Variants in CCDC7 observed in about 807,000 individuals in gnomAD.
CCDC7 encodes coiled-coil domain containing 7.
In CCDC7, 183 loss-of-function variants were observed where a neutral mutation model predicts 196.9. The ratio of observed to expected loss-of-function variants is 0.93; its 90% CI spans 0.82 to 1.05. The LOEUF (loss-of-function observed/expected upper bound fraction) is 1.05. Ranked by LOEUF, CCDC7 falls within the 50% of genes least tolerant of loss-of-function variation. The probability of loss-of-function intolerance (pLI) is 0.00; values close to 1 mark genes in which losing one functional copy is unlikely to be tolerated. For missense variants in CCDC7, 1,540 were observed against 1,482.2 expected, an observed-to-expected ratio of 1.04 and a Z score of -0.64; for synonymous variants, 525 against 484.6, an observed-to-expected ratio of 1.08 and a Z score of -1.10.
intron 9 of CCDC7, among the ~76,000 whole-genome samples, chr10:32,514,925 A>C: frequency 6.6e-6 from 1 of 152,312 alleles, no homozygotes; most frequent in Admixed American, 6.5e-5. Context: ...CCTAGGCCCA[A>C]GGCATCTTCC....
At position 32,711,784 on chromosome 10, in the gene CCDC7, A is replaced by G. The variant is rs151246553; in HGVS notation, c.2569+54A>G. The G allele has an allele frequency of 2.3e-4, 259 of 1,118,208 alleles. No individual in the cohort carries two copies. In the African/African-American group the frequency reaches 3.9e-3, roughly 17 times the overall value. The allele number at this position is 1,118,208 out of a possible 1,614,324, so 69.3% of individuals were successfully genotyped here. A position where few individuals can be genotyped will look rare whatever the true frequency, so the allele number is the denominator to read the frequency against. ...ATTATTTTAAGTAAATCTCAAAAGAACTTTTTTCTTTGGTTCATACTTACG... is the reference window on the plus strand; with the variant it reads ...ATTATTTTAAGTAAATCTCAAAAGAGCTTTTTTCTTTGGTTCATACTTACG... On this transcript the variant is annotated intron_variant, in intron 25 of 41. Transcript: ENST00000639629.
At chr10:32,484,180 G>A (rs2134215163) in intron 8 of CCDC7, among the ~76,000 whole-genome samples, 1 of 152,260 alleles carries the variant, frequency 6.6e-6, no homozygotes, top group South Asian at 2.1e-4. Context: ...ACTGAGCAGT[G>A]GTTTGTAGTT....
Position 32,778,981 on chromosome 10 carries a change from A to C in CCDC7, c.2910A>C (p.Lys970Asn), listed in dbSNP as rs2080590408. ...GACAATCTGTTATTCTTACAGTTAA[A>C]AATGAAGCAGCCTCAGAACTTCCAG... Residue 970 changes from lysine (K) to asparagine (N), a missense_variant, in exon 29 of 42, where the codon AAA becomes AAC. Transcript: ENST00000639629. 61 of 1,548,706 alleles carry C rather than the reference A, an allele frequency of 3.9e-5. No homozygotes were observed. The East Asian group carries it at 1.5e-3, about 38-fold the overall frequency.
chr10:32,709,559 G>A (rs1235217706), intron 24 of CCDC7, among the ~76,000 whole-genome samples: 2 of 152,116 alleles, frequency 1.3e-5, no homozygotes, highest in African/African-American at 2.4e-5. Context: ...TGTTCCTATG[G>A]AAATCTAATG....
In CCDC7 at chr10:32,828,442, A is replaced by G. The variant is rs947643490; in HGVS notation, c.3268+3838A>G. ...AGAAGAAGAAGAAGGAAGGAAGGAGAAGAAGAAGAAGAAGAAGAAGAAGAG... is the reference window on the plus strand; with the variant it reads ...AGAAGAAGAAGAAGGAAGGAAGGAGGAGAAGAAGAAGAAGAAGAAGAAGAG... On this transcript the variant is annotated intron_variant, in intron 32 of 41. Transcript: ENST00000639629. Among the ~76,000 whole-genome samples, 11 of 33,044 alleles carry G rather than the reference A, an allele frequency of 3.3e-4. 1 individual carries two copies. Among genetic ancestry groups the G allele is most frequent in the African/African-American group, 5.2e-4 (9 of 17,250 alleles). 21.7% of individuals were successfully genotyped at this position (33,044 alleles called of 152,430 possible).
At chr10:32,854,170 TC>T (rs1203512394) in intron 40 of CCDC7, among the ~76,000 whole-genome samples, 1 of 152,188 alleles carries the variant, frequency 6.6e-6, no homozygotes, top group African/African-American at 2.4e-5. Context: ...CTTTAGTCTT[TC>T]TTTTTCTTGA....
chr10:32,542,159 C>G (rs2051557335), intron 11 of CCDC7, among the ~76,000 whole-genome samples: 3 of 152,042 alleles, frequency 2.0e-5, no homozygotes, highest in African/African-American at 7.2e-5. Flanking sequence ...TAATTTTTCC[C>G]TTACTTTCTT....
chr10:32,615,870 AT>A (rs1332234952), intron 18 of CCDC7, among the ~76,000 whole-genome samples: 3 of 151,958 alleles, frequency 2.0e-5, no homozygotes, highest in Non-Finnish European at 4.4e-5. Context: ...TATGGGTCCA[AT>A]TTATTTCTTT....
At chr10:32,675,562 A>G (rs374070466) in intron 21 of CCDC7, 1 of 152,326 alleles carries the variant, frequency 6.6e-6, no homozygotes, top group South Asian at 2.1e-4. Flanking sequence ...CTATTACAGT[A>G]TTACATTATT....
At chr10:32,676,549 T>A (rs896457502) in intron 21 of CCDC7, among the ~76,000 whole-genome samples, 3 of 151,908 alleles carry the variant, frequency 2.0e-5, no homozygotes, top group Non-Finnish European at 2.9e-5. Flanking sequence ...CCCATCAAAA[T>A]GTGGGCGAAG....
chr10:32,581,611 A>G (rs2058737809), intron 16 of CCDC7, among the ~76,000 whole-genome samples: 1 of 152,140 alleles, frequency 6.6e-6, no homozygotes, highest in South Asian at 2.1e-4. Flanking sequence ...CATGGTTGTT[A>G]TGCTGTGGTT....
chr10:32,730,310 A>G (rs1592131292), intron 28 of CCDC7, among the ~76,000 whole-genome samples: 1 of 152,142 alleles, frequency 6.6e-6, no homozygotes, highest in Admixed American at 6.6e-5. Context: ...ATAACCATAT[A>G]TAATCTAATT....
At chr10:32,866,098 A>T (rs1398022494) in intron 41 of CCDC7, among the ~76,000 whole-genome samples, 1 of 151,854 alleles carries the variant, frequency 6.6e-6, no homozygotes, top group Non-Finnish European at 1.5e-5. Context: ...CATTAAAATG[A>T]ATCAGGGATT....
chr10:32,826,511 A>G (rs914954944), intron 32 of CCDC7, among the ~76,000 whole-genome samples: 2 of 152,154 alleles, frequency 1.3e-5, no homozygotes, highest in Admixed American at 6.5e-5. Context: ...CCATCATCAA[A>G]TGGAAGTGGT....
intron 25 of CCDC7, 66 bp downstream of exon 26, chr10:32,711,796 G>C (rs114772760): frequency 1.2e-6 from 1 of 855,754 alleles, no homozygotes; most frequent in East Asian, 3.1e-5. Context: ...TTTTTTCTTT[G>C]GTTCATACTT....
chr10:32,568,022 T>TA (rs2057086115), intron 15 of CCDC7, 131 bp downstream of exon 16: 1 of 1,033,318 alleles, frequency 9.7e-7, no homozygotes, highest in Admixed American at 3.3e-5. Context: ...TTTTTTTTTT[T>TA]TTTGAGATGG....
chr10:32,870,505 A>G (rs1012869435), intron 41 of CCDC7, among the ~76,000 whole-genome samples: 2 of 152,114 alleles, frequency 1.3e-5, no homozygotes, highest in South Asian at 2.1e-4. Context: ...GGCTGAGATG[A>G]TGGGGTTTTC....
intron 21 of CCDC7, among the ~76,000 whole-genome samples, chr10:32,676,777 G>C (rs1356083536): frequency 6.6e-6 from 1 of 152,162 alleles, no homozygotes; most frequent in East Asian, 1.9e-4. Context: ...TGGTGGGACT[G>C]TAAACTAGTT....
At chr10:32,469,897 A>G (rs1398590335) in intron 5 of CCDC7, among the ~76,000 whole-genome samples, 1 of 152,174 alleles carries the variant, frequency 6.6e-6, no homozygotes, top group Non-Finnish European at 1.5e-5. Flanking sequence ...CAGGGAAGAA[A>G]TATTCCACTA....
Sources: allele counts gnomAD v4.1 joint callset (sites outside exome capture counted in the v4.1 genomes callset), GRCh38; gene constraint gnomAD v4.1.1; transcripts MANE v1.5; gene names NCBI Gene and HGNC (gene_info 2026-07-23, HGNC 2026-07-21).